The following RNF130 variants were observed in gnomAD, a reference collection of about 807,000 sequenced individuals.
RNF130 encodes the protein E3 ubiquitin-protein ligase RNF130.
In RNF130, 21 loss-of-function variants were observed where a neutral mutation model predicts 44.6. The observed-to-expected ratio is 0.47, with a 90% CI of 0.33 to 0.68. The LOEUF (loss-of-function observed/expected upper bound fraction) is 0.68, where lower values mean the gene tolerates loss of function less well. Ranked by LOEUF, RNF130 falls within the 30% of genes least tolerant of loss-of-function variation. RNF130 has a pLI of 0.02. For synonymous variants in RNF130, 214 were observed against 210.4 expected (o/e 1.02, Z -0.15); for missense variants, 479 against 560.6 (o/e 0.85, Z 1.47).
Position 179,978,152 on chromosome 5 carries a change from A to T in RNF130, c.848+51T>A, listed in dbSNP as rs140277174. ...GAGATGCCCACCCTGAAAAGGAGGC[A>T]TACAAAGCACATTAATATCATTCTT... On this transcript the variant is annotated intron_variant, in intron 5 of 8. Coordinates refer to ENST00000521389, the MANE Select transcript of RNF130 (RefSeq NM_018434.6). 28 of 1,483,998 alleles carry T rather than the reference A, an allele frequency of 1.9e-5. No individual in the cohort carries two copies. The East Asian group carries it at 6.1e-4, about 32-fold the overall frequency. 91.9% of individuals were successfully genotyped at this position (1,483,998 alleles called of 1,614,324 possible). A position where few individuals can be genotyped will look rare whatever the true frequency, so the allele number is the denominator to read the frequency against.
intron 1 of RNF130, among the ~76,000 whole-genome samples, chr5:180,065,772 A>C (rs1241264617): frequency 2.0e-5 from 3 of 147,970 alleles, no homozygotes; most frequent in African/African-American, 4.9e-5. Flanking sequence ...AAAAAAAAAA[A>C]CAACTATGTA....
intron 8 of RNF130, among the ~76,000 whole-genome samples, chr5:179,956,819 G>A (rs1348609511): frequency 2.0e-5 from 3 of 152,194 alleles, no homozygotes; most frequent in Admixed American, 6.5e-5. Flanking sequence ...GAGCTCTGGC[G>A]GGGCCAGACC....
rs560481841 is a variant in RNF130 at position 179,975,055 on chromosome 5, C to A, written c.848+3148G>T. ...TGCCGAATGCGGAGCGCCAGCCAGG[C>A]GGGGAGGCTCTGTCTTGCCAAGTCT... On this transcript the variant is annotated intron_variant, in intron 5 of 8. Transcript: ENST00000521389. Among the ~76,000 whole-genome samples, 43 of 152,236 alleles carry A rather than the reference C, an allele frequency of 2.8e-4. 1 individual carries two copies. In the South Asian group the frequency reaches 8.9e-3, roughly 32 times the overall value.
downstream of RNF130, among the ~76,000 whole-genome samples, chr5:179,950,985 C>A (rs1667696709): frequency 6.6e-6 from 1 of 152,090 alleles, no homozygotes; most frequent in Non-Finnish European, 1.5e-5. Context: ...GAGGAAAAAA[C>A]TTTTTACTGA....
rs367590940 is a variant in RNF130, at chr5:180,009,554, C to T, written c.693+3507G>A. Among the ~76,000 whole-genome samples the T allele has an allele frequency of 7.9e-5, 12 of 152,294 alleles. No individual in the cohort carries two copies. The East Asian group carries it at 2.3e-3, about 29-fold the overall frequency. ...AGATGTTACTACACAACTCAACAAT[C>T]ACAAGAGATGAAAACACCAAGTGCT... On this transcript the variant is annotated intron_variant, in intron 3 of 8. Coordinates refer to ENST00000521389, the MANE Select transcript of RNF130 (RefSeq NM_018434.6).
At position 179,939,142 on chromosome 5, in the gene RNF130, G is replaced by A. The variant is rs980579082; in HGVS notation, c.1151-18716C>T. ...TGAGGCAGGAGAATCGCTTGAACTC[G>A]GGAGGCAGAGGTTGCAGTGAGCTGA... On this transcript the variant is annotated intron_variant, in intron 7 of 7. Coordinates refer to the RNF130 transcript ENST00000522208. Among the ~76,000 whole-genome samples, 7 of 152,166 alleles carry A rather than the reference G, an allele frequency of 4.6e-5. No homozygotes were observed. In the South Asian group the frequency reaches 6.2e-4, roughly 14 times the overall value.
At chr5:180,046,645 C>A (rs1431134876) in intron 1 of RNF130, among the ~76,000 whole-genome samples, 2 of 152,132 alleles carry the variant, frequency 1.3e-5, no homozygotes, top group East Asian at 1.9e-4. Flanking sequence ...CCTCTCAGAG[C>A]CTGTGTGTGT....
chr5:180,029,425 C>G (rs1764070406), intron 2 of RNF130, among the ~76,000 whole-genome samples: 1 of 152,028 alleles, frequency 6.6e-6, no homozygotes. Flanking sequence ...CAATGGGCAA[C>G]AGCCTAGAAG....
intron 7 of RNF130, 185 bp from the exon 8 acceptor site, chr5:179,963,749 G>C: frequency 1.7e-6 from 1 of 595,580 alleles, no homozygotes; most frequent in Non-Finnish European, 3.0e-6. Flanking sequence ...GGAAGTACTG[G>C]TGAAAGCTGC....
chr5:179,963,910 TA>T (rs1048781653), intron 7 of RNF130: 2 of 242,346 alleles, frequency 8.3e-6, no homozygotes, highest in African/African-American at 4.5e-5. Context: ...TAAATGACAG[TA>T]AAGTAGACTA....
exon 8 of RNF130, chr5:179,918,858 CTGTG>C (rs1029064331): frequency 2.0e-5 from 3 of 152,236 alleles, no homozygotes; most frequent in Non-Finnish European, 2.9e-5. Flanking sequence ...TCAGGCACAC[CTGTG>C]TCTGAGGCGT....
intron 2 of RNF130, among the ~76,000 whole-genome samples, chr5:180,034,804 T>C (rs1764211008): frequency 6.6e-6 from 1 of 152,216 alleles, no homozygotes; most frequent in Non-Finnish European, 1.5e-5. Context: ...AGTGAGTCAC[T>C]GAACCTGTGG....
intron 2 of RNF130, chr5:180,015,202 G>C: frequency 2.9e-6 from 1 of 347,012 alleles, no homozygotes; most frequent in Non-Finnish European, 6.4e-6. Context: ...TAAGAGTTGT[G>C]ATCAGTAAAT....
At chr5:180,012,989 G>C in intron 3 of RNF130, 72 bp downstream of exon 3, 3 of 1,493,980 alleles carry the variant, frequency 2.0e-6, no homozygotes, top group Non-Finnish European at 1.8e-6. Context: ...ATGTTAGTAA[G>C]ATGCATGGTC....
intron 5 of RNF130, among the ~76,000 whole-genome samples, chr5:179,973,446 T>C (rs27011): frequency 0.59 from 89,645 of 152,128 alleles, 28,016 homozygotes; most frequent in Middle Eastern, 0.74. Flanking sequence ...AACAGTCTGG[T>C]GCTCGGCAAA....
intron 3 of RNF130, among the ~76,000 whole-genome samples, chr5:179,998,778 G>A (rs901540634): frequency 6.7e-6 from 1 of 149,250 alleles, no homozygotes; most frequent in Non-Finnish European, 1.5e-5. Flanking sequence ...TAGATGATCT[G>A]TCTAATGCTA....
Position 179,996,475 on chromosome 5 carries a change from T to C in RNF130, c.694-16275A>G, listed in dbSNP as rs1381914590. ...GTGGGTAAGTCATATATGGCCTTTA[T>C]TGTGTTGAAGTATGTTCTTTCTATA... is the stretch of plus-strand genomic sequence containing the variant. On this transcript the variant is annotated intron_variant, in intron 3 of 8. Coordinates refer to ENST00000521389, the MANE Select transcript of RNF130 (RefSeq NM_018434.6). Among the ~76,000 whole-genome samples, 9 of 152,346 alleles carry C rather than the reference T, an allele frequency of 5.9e-5. No individual in the cohort carries two copies. The South Asian group carries it at 1.7e-3, about 28-fold the overall frequency.
intron 1 of RNF130, among the ~76,000 whole-genome samples, chr5:180,054,590 T>G (rs1014397044): frequency 1.3e-5 from 2 of 152,228 alleles, no homozygotes; most frequent in Non-Finnish European, 2.9e-5. Flanking sequence ...TCAGTTCTAC[T>G]CCACTGATCT....
intron 3 of RNF130, among the ~76,000 whole-genome samples, chr5:179,986,781 T>C (rs1002741869): frequency 5.3e-5 from 8 of 152,262 alleles, no homozygotes; most frequent in African/African-American, 1.7e-4. Context: ...TCAAATAGAC[T>C]AGTATCTACA....
Sources: allele counts gnomAD v4.1 joint callset (sites outside exome capture counted in the v4.1 genomes callset), GRCh38; gene constraint gnomAD v4.1.1; transcripts MANE v1.5; gene names NCBI Gene and HGNC (gene_info 2026-07-23, HGNC 2026-07-21).